PNKD: variants seen among roughly 807,000 people sequenced by gnomAD.
PNKD encodes the protein PNKD metallo-beta-lactamase domain containing, also known as probable thioesterase PNKD.
PNKD carries 36 observed loss-of-function variants against 45.3 expected under a neutral mutation model. That is an observed-to-expected ratio of 0.80 (90% confidence interval 0.61 to 1.05). The LOEUF (loss-of-function observed/expected upper bound fraction) is 1.05, where lower values mean the gene tolerates loss of function less well. Ranked by LOEUF, PNKD falls within the 50% of genes least tolerant of loss-of-function variation. The pLI, the probability that PNKD is intolerant of heterozygous loss-of-function variation, is 0.00. For synonymous variants in PNKD, 197 were observed against 210.1 expected, an observed-to-expected ratio of 0.94 and a Z score of 0.54; for missense variants, 511 against 506.6, an observed-to-expected ratio of 1.01 and a Z score of -0.08.
chr2:218,270,761 C>T, intron 1 of PNKD, 159 bp downstream of exon 1: 1 of 416,836 alleles, frequency 2.4e-6, no homozygotes, highest in Non-Finnish European at 4.4e-6. Context: ...TAGAGGTCAC[C>T]CAGTGCATCC....
chr2:218,337,383 A>C (rs1377385547), intron 2 of PNKD, among the ~76,000 whole-genome samples: 2 of 152,146 alleles, frequency 1.3e-5, no homozygotes, highest in Non-Finnish European at 2.9e-5. Flanking sequence ...TTCAATTCTT[A>C]ATACGTGCAC....
At chr2:218,282,538 G>A (rs368905675) in intron 2 of PNKD, among the ~76,000 whole-genome samples, 1 of 152,210 alleles carries the variant, frequency 6.6e-6, no homozygotes, top group Non-Finnish European at 1.5e-5. Context: ...CAGAACCAGC[G>A]AAGAAGCCAG....
At chr2:218,306,206 G>A (rs774391102) in intron 2 of PNKD, among the ~76,000 whole-genome samples, 2 of 152,124 alleles carry the variant, frequency 1.3e-5, no homozygotes, top group Non-Finnish European at 2.9e-5. Context: ...TAAAACAAGG[G>A]ATGCAAATTT....
At chr2:218,309,538 A>G (rs1693536733) in intron 2 of PNKD, among the ~76,000 whole-genome samples, 1 of 151,928 alleles carries the variant, frequency 6.6e-6, no homozygotes, top group African/African-American at 2.4e-5. Flanking sequence ...TTGGCCTCCC[A>G]GAGTTACAGG....
intron 2 of PNKD, chr2:218,323,164 C>G: frequency 7.4e-7 from 1 of 1,357,314 alleles, no homozygotes; most frequent in South Asian, 1.7e-5. Flanking sequence ...GCCACAACGC[C>G]CCCACGTCCA....
At chr2:218,323,708 A>G (rs889570932) in intron 2 of PNKD, among the ~76,000 whole-genome samples, 10 of 151,936 alleles carry the variant, frequency 6.6e-5, no homozygotes, top group Non-Finnish European at 1.0e-4. Context: ...TCTGGAGCAA[A>G]GTGCCACAGA....
chr2:218,280,002 C>T (rs769050310), intron 2 of PNKD: 3 of 1,605,668 alleles, frequency 1.9e-6, no homozygotes, highest in Non-Finnish European at 2.6e-6. Context: ...CCCAGGTACA[C>T]CCACCTCCCA....
intron 2 of PNKD, among the ~76,000 whole-genome samples, chr2:218,303,933 C>T (rs774611098): frequency 3.3e-5 from 5 of 152,140 alleles, no homozygotes; most frequent in African/African-American, 9.6e-5. Flanking sequence ...CATCCCCCTC[C>T]GTCTTCTCCA....
intron 2 of PNKD, chr2:218,278,929 G>A: frequency 1.5e-6 from 2 of 1,304,368 alleles, no homozygotes; most frequent in Non-Finnish European, 1.1e-6. Context: ...ACCAACTTGG[G>A]GGCCCTCTCA....
chr2:218,344,842 A>G lies in PNKD; in HGVS notation c.1019A>G (p.Asn340Ser). 6.2e-7 allele frequency: 1 copy of G among 1,613,396 alleles called. No homozygotes were observed. Among genetic ancestry groups the G allele is most frequent in the Non-Finnish European group, 8.5e-7 (1 of 1,179,734 alleles). Residue 340 changes from asparagine (N) to serine (S), a missense_variant, in exon 10 of 10, where the codon AAC becomes AGC. Transcript: ENST00000273077. ...PSTLGEERSY[N>S]PFLRTHCLAL... The stretch of plus-strand genomic sequence containing the variant: ...ACCCTGGGAGAGGAGCGCTCCTACA[A>G]CCCGTTCCTGAGAACCCACTGCCTG...
chr2:218,296,298 A>G (rs1253959031), intron 2 of PNKD, among the ~76,000 whole-genome samples: 5 of 152,210 alleles, frequency 3.3e-5, no homozygotes, highest in African/African-American at 1.2e-4. Flanking sequence ...AGGAAAGTGG[A>G]GTCAAGTCCA....
intron 2 of PNKD, among the ~76,000 whole-genome samples, chr2:218,318,949 TC>T (rs370892431): frequency 1.6e-5 from 2 of 121,826 alleles, no homozygotes; most frequent in South Asian, 5.4e-4. Flanking sequence ...TTTTTTTTTT[TC>T]TTTTTTTTTT....
intron 2 of PNKD, among the ~76,000 whole-genome samples, chr2:218,324,670 C>A (rs991396668): frequency 6.6e-6 from 1 of 152,102 alleles, no homozygotes; most frequent in Non-Finnish European, 1.5e-5. Flanking sequence ...TGCGGTGGCT[C>A]ACGCCTGTAA....
At chr2:218,297,684 C>CA (rs71064428) in intron 2 of PNKD, among the ~76,000 whole-genome samples, 13,398 of 41,900 alleles carry the variant, frequency 0.32, 1,720 homozygotes, top group Middle Eastern at 0.5. Flanking sequence ...GACTCCGTCT[C>CA]AAAAAAAAAA....
Position 218,280,388 on chromosome 2 carries a change from TTCACTGGGGGG to T in PNKD, c.236+8844_236+8854del, listed in dbSNP as rs548879714. On this transcript the variant is annotated intron_variant, in intron 2 of 9. Coordinates refer to ENST00000273077, the MANE Select transcript of PNKD (RefSeq NM_015488.5). The stretch of plus-strand genomic sequence containing the variant: ...TGTGCCCAGCCCACGCCACTGGGGG[TTCACTGGGGGG>T]TCACGATGTAGTGGGGAAGCCAGGC... The T allele has an allele frequency of 4.4e-5, 18 of 406,634 alleles. 1 individual carries two copies. The East Asian group carries it at 9.8e-4, about 22-fold the overall frequency. The allele number at this position is 406,634 out of a possible 1,614,324, so 25.2% of individuals were successfully genotyped here.
At chr2:218,293,927 TAAAAAAAAAAAA>T (rs56100300) in intron 2 of PNKD, among the ~76,000 whole-genome samples, 1 of 118,894 alleles carries the variant, frequency 8.4e-6, no homozygotes, top group African/African-American at 3.2e-5. Context: ...AACAGAGATT[TAAAAAAAAAAAA>T]AAAAAAAAAA....
intron 2 of PNKD, among the ~76,000 whole-genome samples, chr2:218,307,150 G>A (rs754343876): frequency 5.3e-5 from 8 of 152,074 alleles, no homozygotes; most frequent in Non-Finnish European, 1.2e-4. Context: ...GACAAATCAA[G>A]TTAAAGATCC....
intron 2 of PNKD, chr2:218,275,464 G>A (rs1328454257): frequency 6.2e-7 from 1 of 1,609,880 alleles, no homozygotes; most frequent in Non-Finnish European, 8.5e-7. Flanking sequence ...GTGAAAATGG[G>A]GGCTTGCTCC....
chr2:218,342,216 T>C, intron 7 of PNKD, 72 bp downstream of exon 7: 5 of 1,253,614 alleles, frequency 4.0e-6, no homozygotes, highest in Non-Finnish European at 5.8e-6. Context: ...CACAGTCCCA[T>C]GGAGAGCACT....
Sources: gnomAD v4.1 joint callset for allele counts (sites outside exome capture counted in the v4.1 genomes callset) on GRCh38, gnomAD v4.1.1 for gene constraint, MANE v1.5 for transcripts, NCBI Gene and HGNC (gene_info 2026-07-23, HGNC 2026-07-21) for gene names.